PLPPR5: variants seen among roughly 807,000 people sequenced by gnomAD.
PLPPR5 encodes the protein phospholipid phosphatase-related protein type 5.
In PLPPR5, 16 loss-of-function variants were observed where a neutral mutation model predicts 33.9. The ratio of observed to expected loss-of-function variants is 0.47; its 90% CI spans 0.32 to 0.72. The LOEUF (loss-of-function observed/expected upper bound fraction) is 0.72. PLPPR5 is among the 30% of genes least tolerant of loss of function. The probability of loss-of-function intolerance (pLI) is 0.03; values close to 1 mark genes in which losing one functional copy is unlikely to be tolerated. For synonymous variants in PLPPR5, 163 were observed against 150.3 expected, an observed-to-expected ratio of 1.08 and a Z score of -0.62; for missense variants, 301 against 406.7, an observed-to-expected ratio of 0.74 and a Z score of 2.23.
intron 3 of PLPPR5, 105 bp from the exon 4 acceptor site, chr1:98,922,163 C>A: frequency 1.0e-6 from 1 of 993,874 alleles, no homozygotes. Context: ...ATATATACGC[C>A]TGTATGATTC....
intron 5 of PLPPR5, among the ~76,000 whole-genome samples, chr1:98,899,363 C>T (rs913875387): frequency 1.3e-5 from 2 of 152,140 alleles, no homozygotes; most frequent in African/African-American, 4.8e-5. Context: ...TTGCAAGTGC[C>T]ACAAGCAATG....
intron 5 of PLPPR5, among the ~76,000 whole-genome samples, chr1:98,897,857 T>C (rs373255073): frequency 1.6e-4 from 25 of 152,200 alleles, no homozygotes; most frequent in African/African-American, 5.5e-4. Flanking sequence ...TAACATTAAA[T>C]GGGATTATAT....
chr1:98,911,752 C>T (rs1004819575), intron 5 of PLPPR5, among the ~76,000 whole-genome samples: 1 of 151,736 alleles, frequency 6.6e-6, no homozygotes, highest in Non-Finnish European at 1.5e-5. Flanking sequence ...ATTTCACAAC[C>T]CTTTTTTTTT....
intron 1 of PLPPR5, among the ~76,000 whole-genome samples, chr1:98,991,527 G>T (rs192652969): frequency 6.6e-6 from 1 of 152,274 alleles, no homozygotes; most frequent in East Asian, 1.9e-4. Context: ...TGTACAGTCA[G>T]ATATGGGCAG....
At chr1:98,954,454 C>A (rs309063) in intron 2 of PLPPR5, among the ~76,000 whole-genome samples, 4,134 of 152,098 alleles carry the variant, frequency 0.027, 191 homozygotes, top group African/African-American at 0.094. Flanking sequence ...GTTTCCCAAG[C>A]CTTTTCATCA....
chr1:98,960,442 G>C (rs1651197035), intron 1 of PLPPR5, among the ~76,000 whole-genome samples: 1 of 152,152 alleles, frequency 6.6e-6, no homozygotes, highest in Admixed American at 6.5e-5. Context: ...CACCTCAGGT[G>C]ATCCACCCGC....
chr1:98,915,990 T>C (rs577373573), intron 4 of PLPPR5, among the ~76,000 whole-genome samples: 36 of 152,322 alleles, frequency 2.4e-4, no homozygotes, highest in South Asian at 1.2e-3. Context: ...ACAGGCCTCA[T>C]TTGCAGCTAT....
At chr1:98,902,901 G>T (rs926411798) in intron 5 of PLPPR5, among the ~76,000 whole-genome samples, 1 of 152,062 alleles carries the variant, frequency 6.6e-6, no homozygotes, top group African/African-American at 2.4e-5. Context: ...AATGAAAGAT[G>T]CTTTTATAAA....
intron 3 of PLPPR5, among the ~76,000 whole-genome samples, chr1:98,929,417 A>G (rs1231026820): frequency 2.0e-5 from 3 of 152,214 alleles, no homozygotes; most frequent in African/African-American, 7.2e-5. Flanking sequence ...TCAAGAGTAA[A>G]CATCCACTTT....
intron 1 of PLPPR5, among the ~76,000 whole-genome samples, chr1:98,976,725 T>C (rs1158977001): frequency 6.6e-6 from 1 of 152,042 alleles, no homozygotes; most frequent in Non-Finnish European, 1.5e-5. Flanking sequence ...AAAAAATAAC[T>C]TATTAATAAG....
intron 1 of PLPPR5, among the ~76,000 whole-genome samples, chr1:98,967,122 T>C (rs74110953): frequency 2.4e-4 from 36 of 152,298 alleles, no homozygotes; most frequent in African/African-American, 7.7e-4. Flanking sequence ...TATTATGTAC[T>C]TGTACTGTGC....
intron 1 of PLPPR5, among the ~76,000 whole-genome samples, chr1:98,964,009 G>A (rs370817187): frequency 3.3e-5 from 5 of 152,104 alleles, no homozygotes; most frequent in South Asian, 4.1e-4. Flanking sequence ...TGTTTTGGTC[G>A]TTTTCTCACC....
At chr1:98,911,204 C>T (rs1244201846) in intron 5 of PLPPR5, among the ~76,000 whole-genome samples, 1 of 152,084 alleles carries the variant, frequency 6.6e-6, no homozygotes, top group East Asian at 1.9e-4. Flanking sequence ...TGCCTGGGAA[C>T]AGGAATAAAA....
At chr1:98,899,919 G>T (rs1648629304) in intron 5 of PLPPR5, among the ~76,000 whole-genome samples, 1 of 151,976 alleles carries the variant, frequency 6.6e-6, no homozygotes, top group East Asian at 1.9e-4. Context: ...GGTATTTGGT[G>T]GATATGGGTA....
At chr1:98,932,744 T>C (rs1650025166) in intron 3 of PLPPR5, among the ~76,000 whole-genome samples, 1 of 152,136 alleles carries the variant, frequency 6.6e-6, no homozygotes, top group African/African-American at 2.4e-5. Flanking sequence ...TGCACATTAG[T>C]TGGTTATAAT....
intron 1 of PLPPR5, among the ~76,000 whole-genome samples, chr1:99,001,671 GATATATATATATATATATAT>G (rs55722150): frequency 9.8e-6 from 1 of 102,196 alleles, no homozygotes; most frequent in African/African-American, 3.9e-5. Flanking sequence ...GAAAGTTAAA[GATATATATATATATATATAT>G]ATATATATAT....
At chr1:98,972,210 C>T (rs1435703470) in intron 1 of PLPPR5, among the ~76,000 whole-genome samples, 1 of 152,076 alleles carries the variant, frequency 6.6e-6, no homozygotes, top group African/African-American at 2.4e-5. Flanking sequence ...AATTGTTTGT[C>T]ACATTTCACA....
chr1:98,960,945 G>A (rs536616294), intron 1 of PLPPR5, among the ~76,000 whole-genome samples: 12 of 152,280 alleles, frequency 7.9e-5, no homozygotes, highest in Admixed American at 3.9e-4. Flanking sequence ...TGAAACATGG[G>A]ATACCTCCAA....
At chr1:98,982,144 A>G (rs967707904) in intron 1 of PLPPR5, among the ~76,000 whole-genome samples, 2 of 152,110 alleles carry the variant, frequency 1.3e-5, no homozygotes, top group Admixed American at 1.3e-4. Flanking sequence ...TCTCATTTAG[A>G]AACTCTGCCA....
Sources: allele counts gnomAD v4.1 joint callset (sites outside exome capture counted in the v4.1 genomes callset), GRCh38; gene constraint gnomAD v4.1.1; transcripts MANE v1.5; gene names NCBI Gene and HGNC (gene_info 2026-07-23, HGNC 2026-07-21).